Variants in NAV2 observed in about 807,000 individuals in gnomAD.
The protein encoded by NAV2 is neuron navigator 2.
NAV2 carries 54 observed loss-of-function variants against 223.2 expected under a neutral mutation model. The ratio of observed to expected loss-of-function variants is 0.24; its 90% CI spans 0.19 to 0.30. The LOEUF (loss-of-function observed/expected upper bound fraction) is 0.30, where lower values mean the gene tolerates loss of function less well. NAV2 is among the 10% of genes least tolerant of loss of function. NAV2 has a pLI of 1.00. For missense variants in NAV2, 2,806 were observed against 3,147.5 expected, an observed-to-expected ratio of 0.89 and a Z score of 2.60; for synonymous variants, 1,279 against 1,239.3, an observed-to-expected ratio of 1.03 and a Z score of -0.67.
rs144097672 is a variant in NAV2, at chr11:19,431,613, T to C, written c.75+80586T>C. On this transcript the variant is annotated intron_variant, in intron 1 of 37. Coordinates refer to the NAV2 transcript ENST00000360655. ...CTTCTTGGTCTCCTTCCTCTCCTTG[T>C]GGTTCTGATAGGGCTGTAAGGAACC... Among the ~76,000 whole-genome samples the C allele has an allele frequency of 7.2e-5, 11 of 152,346 alleles. No homozygotes were observed. In the East Asian group the frequency reaches 2.1e-3, roughly 29 times the overall value.
At chr11:20,093,410 G>T (rs529204686) in intron 29 of NAV2, among the ~76,000 whole-genome samples, 9 of 152,252 alleles carry the variant, frequency 5.9e-5, no homozygotes, top group Non-Finnish European at 2.9e-5. Flanking sequence ...GTGCTTGAAA[G>T]TCTAATAAAG....
At chr11:19,535,724 C>T (rs1018138513) in intron 1 of NAV2, among the ~76,000 whole-genome samples, 5 of 152,184 alleles carry the variant, frequency 3.3e-5, no homozygotes, top group African/African-American at 1.2e-4. Context: ...CTTATGGGTT[C>T]AGTGGGCCCA....
intron 1 of NAV2, among the ~76,000 whole-genome samples, chr11:19,726,451 G>T (rs2051263249): frequency 6.6e-6 from 1 of 152,190 alleles, no homozygotes; most frequent in Admixed American, 6.5e-5. Context: ...CTTTGCACTT[G>T]CTGCTCTTCC....
intron 6 of NAV2, among the ~76,000 whole-genome samples, chr11:19,915,947 G>C (rs746070615): frequency 2.0e-5 from 3 of 152,220 alleles, no homozygotes; most frequent in African/African-American, 4.8e-5. Flanking sequence ...GAGCCACACA[G>C]ATGTATACCT....
intron 37 of NAV2, among the ~76,000 whole-genome samples, chr11:20,115,184 G>A (rs1342692809): frequency 6.6e-6 from 1 of 152,062 alleles, no homozygotes; most frequent in African/African-American, 2.4e-5. Flanking sequence ...GAAGCCCAAG[G>A]CAAATGATAG....
intron 1 of NAV2, among the ~76,000 whole-genome samples, chr11:19,562,555 C>A (rs1278386219): frequency 6.6e-6 from 1 of 152,078 alleles, no homozygotes; most frequent in East Asian, 1.9e-4. Flanking sequence ...AAATCAGCAA[C>A]AGAATAGGAT....
At chr11:19,959,767 C>T (rs1445633802) in intron 10 of NAV2, among the ~76,000 whole-genome samples, 4 of 152,172 alleles carry the variant, frequency 2.6e-5, no homozygotes, top group African/African-American at 9.7e-5. Context: ...AACTGATGTT[C>T]ATGTGGGAAG....
intron 1 of NAV2, among the ~76,000 whole-genome samples, chr11:19,481,564 C>A (rs1458739214): frequency 6.6e-6 from 1 of 152,220 alleles, no homozygotes; most frequent in Non-Finnish European, 1.5e-5. Flanking sequence ...CTCTAAACCT[C>A]TGCTCTTCCA....
intron 6 of NAV2, among the ~76,000 whole-genome samples, chr11:19,919,062 G>A (rs1229770056): frequency 6.6e-6 from 1 of 151,874 alleles, no homozygotes; most frequent in African/African-American, 2.4e-5. Context: ...GATGAGATAG[G>A]GTGATTGGAG....
chr11:19,995,849 T>C (rs1266266430), intron 11 of NAV2, among the ~76,000 whole-genome samples: 2 of 152,286 alleles, frequency 1.3e-5, no homozygotes, highest in Middle Eastern at 3.4e-3. Context: ...GTGCTTTGAC[T>C]CAGGATTTAA....
intron 1 of NAV2, among the ~76,000 whole-genome samples, chr11:19,540,742 A>G (rs1055244505): frequency 6.6e-6 from 1 of 152,174 alleles, no homozygotes; most frequent in Non-Finnish European, 1.5e-5. Context: ...TATTTTTTAA[A>G]AGCTCTGGCC....
intron 1 of NAV2, among the ~76,000 whole-genome samples, chr11:19,732,918 T>A (rs1435380509): frequency 2.0e-5 from 3 of 152,260 alleles, no homozygotes; most frequent in Non-Finnish European, 4.4e-5. Context: ...GGCCTCATTT[T>A]TATTATCTTA....
chr11:19,431,462 C>T (rs1049796867), intron 1 of NAV2, among the ~76,000 whole-genome samples: 2 of 152,150 alleles, frequency 1.3e-5, no homozygotes, highest in Non-Finnish European at 2.9e-5. Flanking sequence ...GACCCTGCCT[C>T]CATGGTTTTC....
At position 19,466,984 on chromosome 11, in the gene NAV2, T is replaced by TACAC. The variant is rs3042688; in HGVS notation, c.75+115989_75+115992dup. ...TCTTGTTCTCTCTTCTCTCTCTCTC[T>TACAC]ACACACACACACACACACACACACA... On this transcript the variant is annotated intron_variant, in intron 1 of 37. Coordinates refer to the NAV2 transcript ENST00000360655. Among the ~76,000 whole-genome samples, 936 of 125,164 alleles carry TACAC rather than the reference T, an allele frequency of 7.5e-3. 12 individuals are homozygous for TACAC. Among genetic ancestry groups the TACAC allele is most frequent in the African/African-American group, 0.026 (853 of 32,666 alleles). The allele number at this position is 125,164 out of a possible 152,430, so 82.1% of individuals were successfully genotyped here.
chr11:19,517,796 G>A (rs547718759), intron 1 of NAV2, among the ~76,000 whole-genome samples: 2 of 152,300 alleles, frequency 1.3e-5, no homozygotes, highest in East Asian at 1.9e-4. Flanking sequence ...AGGATCAATG[G>A]GTAAAAATAA....
chr11:19,549,978 C>G (rs2044637138), intron 1 of NAV2, among the ~76,000 whole-genome samples: 1 of 152,234 alleles, frequency 6.6e-6, no homozygotes, highest in African/African-American at 2.4e-5. Context: ...GGGGGGCCAG[C>G]CTCCCCCGGC....
In NAV2 at chr11:19,712,868, G is replaced by A. The variant is rs1287249440; in HGVS notation, c.-828G>A. 6.6e-6 allele frequency among the ~76,000 whole-genome samples: 1 copy of A among 151,142 alleles called. No individual in the cohort carries two copies. The highest frequency in any genetic ancestry group is 2.4e-5 in the African/African-American group (1 of 41,314). ...CCCTGCGCTGAGCCCCGCAGCCAGC[G>A]CAGCCTTCCCGGGAAGCGCGGCGGC... On this transcript the variant is annotated 5_prime_UTR_variant, in exon 1 of 38. Coordinates refer to ENST00000349880, the MANE Select transcript of NAV2 (RefSeq NM_145117.5).
intron 1 of NAV2, among the ~76,000 whole-genome samples, chr11:19,659,276 T>C (rs2048208727): frequency 6.6e-6 from 1 of 152,120 alleles, no homozygotes; most frequent in Non-Finnish European, 1.5e-5. Context: ...TGGTGAAGAC[T>C]GAGTGCTGGC....
At chr11:20,068,081 T>C (rs1052588676) in intron 20 of NAV2, 105 bp from the exon 21 acceptor site, 1 of 1,033,250 alleles carries the variant, frequency 9.7e-7, no homozygotes, top group African/African-American at 1.6e-5. Flanking sequence ...AACTAATAAT[T>C]CTTCCAGACT....
Sources: allele counts gnomAD v4.1 joint callset (sites outside exome capture counted in the v4.1 genomes callset), GRCh38; gene constraint gnomAD v4.1.1; transcripts MANE v1.5; gene names NCBI Gene and HGNC (gene_info 2026-07-23, HGNC 2026-07-21).